Variants in RBFOX1 observed in about 807,000 individuals in gnomAD.
RBFOX1 encodes RNA binding protein fox-1 homolog 1.
RBFOX1 carries 8 observed loss-of-function variants against 57.7 expected under a neutral mutation model. That is an observed-to-expected ratio of 0.14 (90% confidence interval 0.08 to 0.25). The LOEUF is 0.25. RBFOX1 is among the 10% of genes least tolerant of loss of function. RBFOX1 has a pLI of 1.00. For missense variants in RBFOX1, 611 were observed against 548.5 expected, an observed-to-expected ratio of 1.11 and a Z score of -1.14; for synonymous variants, 326 against 222.4, an observed-to-expected ratio of 1.47 and a Z score of -4.15.
chr16:6,850,133 A>T (rs981785081), intron 3 of RBFOX1, among the ~76,000 whole-genome samples: 4 of 152,178 alleles, frequency 2.6e-5, no homozygotes, highest in Admixed American at 2.6e-4. Flanking sequence ...TAAACTTACA[A>T]GTTCCTGCAC....
chr16:7,254,421 C>T (rs1359235253), intron 4 of RBFOX1, among the ~76,000 whole-genome samples: 3 of 152,066 alleles, frequency 2.0e-5, no homozygotes, highest in African/African-American at 7.2e-5. Context: ...TCTCCATTGC[C>T]AAGATATCAC....
At chr16:5,637,499 T>C (rs572690973) in intron 3 of RBFOX1, among the ~76,000 whole-genome samples, 9 of 152,348 alleles carry the variant, frequency 5.9e-5, no homozygotes, top group African/African-American at 2.2e-4. Flanking sequence ...AGCAAGCTAA[T>C]GTCTATAATG....
At chr16:5,988,299 G>A (rs1251006067) in intron 4 of RBFOX1, among the ~76,000 whole-genome samples, 1 of 152,130 alleles carries the variant, frequency 6.6e-6, no homozygotes. Context: ...AATAATGAGA[G>A]TTGAAAGAAT....
intron 1 of RBFOX1, among the ~76,000 whole-genome samples, chr16:5,271,325 C>G (rs1249931195): frequency 6.6e-6 from 1 of 152,102 alleles, no homozygotes; most frequent in Admixed American, 6.6e-5. Context: ...ACACTGCACT[C>G]CAGCCTGGAT....
chr16:5,965,826 T>G (rs777007538), intron 4 of RBFOX1, among the ~76,000 whole-genome samples: 21 of 152,090 alleles, frequency 1.4e-4, no homozygotes, highest in Non-Finnish European at 2.5e-4. Context: ...TTTGGAGAGT[T>G]CAGTGGGTGG....
intron 4 of RBFOX1, among the ~76,000 whole-genome samples, chr16:5,983,925 C>T (rs1206421352): frequency 1.4e-5 from 2 of 144,626 alleles, no homozygotes; most frequent in African/African-American, 5.1e-5. Context: ...TCCTCCTCCT[C>T]CCCCTCCTCC....
chr16:5,951,475 ATGTGTATATATATGTG>A (rs973740859), intron 4 of RBFOX1, among the ~76,000 whole-genome samples: 1 of 151,980 alleles, frequency 6.6e-6, no homozygotes, highest in Admixed American at 6.6e-5. Context: ...GTGTATGTGT[ATGTGTATATATATGTG>A]TGTGTATATA....
At chr16:5,516,813 T>C (rs1340505087) in intron 2 of RBFOX1, among the ~76,000 whole-genome samples, 1 of 152,150 alleles carries the variant, frequency 6.6e-6, no homozygotes, top group African/African-American at 2.4e-5. Context: ...CACTCATTCT[T>C]CTCTCTCCTG....
At chr16:7,534,230 G>T (rs536153357) in intron 5 of RBFOX1, among the ~76,000 whole-genome samples, 4 of 151,552 alleles carry the variant, frequency 2.6e-5, no homozygotes, top group African/African-American at 9.7e-5. Context: ...GGGATTACAG[G>T]CACCCATCAC....
chr16:5,475,162 C>T (rs774157511), intron 2 of RBFOX1, among the ~76,000 whole-genome samples: 41 of 151,970 alleles, frequency 2.7e-4, no homozygotes, highest in Non-Finnish European at 4.4e-4. Flanking sequence ...ATATATTTGC[C>T]GTAATAGATA....
At chr16:7,116,528 C>G (rs922295147) in intron 4 of RBFOX1, among the ~76,000 whole-genome samples, 1 of 152,184 alleles carries the variant, frequency 6.6e-6, no homozygotes, top group Non-Finnish European at 1.5e-5. Context: ...GGATTTGTCT[C>G]TGCTCCAGCT....
rs74007083 is a variant in RBFOX1, at chr16:6,808,616, T to G, written c.-16+153966T>G. Among the ~76,000 whole-genome samples the G allele has an allele frequency of 6.9e-3, 1,054 of 152,272 alleles. 13 individuals carry two copies. Among genetic ancestry groups the G allele is most frequent in the African/African-American group, 0.024 (1,002 of 41,546 alleles). ...AGGGTGTTGGTAGTTGTTATTTTAATGTAAATTTTGAATAGATAATAGATT... is the reference window on the plus strand; with the variant it reads ...AGGGTGTTGGTAGTTGTTATTTTAAGGTAAATTTTGAATAGATAATAGATT... On this transcript the variant is annotated intron_variant, in intron 3 of 15. Coordinates refer to ENST00000550418, the MANE Select transcript of RBFOX1 (RefSeq NM_018723.4).
rs371814613 is a variant in RBFOX1, at chr16:6,926,770, C to T, written c.-15-125287C>T. Among the ~76,000 whole-genome samples the T allele has an allele frequency of 2.6e-5, 4 of 152,266 alleles. No individual in the cohort carries two copies. In the East Asian group the frequency reaches 5.8e-4, roughly 22 times the overall value. On this transcript the variant is annotated intron_variant, in intron 3 of 15. Coordinates refer to ENST00000550418, the MANE Select transcript of RBFOX1 (RefSeq NM_018723.4). The stretch of plus-strand genomic sequence containing the variant: ...TTCTTGGAGACTGAACTTTTAAATG[C>T]TTCTGCTGGGTCTCTTGAGTTCTTA...
chr16:6,657,345 T>A (rs1213231479), intron 3 of RBFOX1, among the ~76,000 whole-genome samples: 1 of 152,084 alleles, frequency 6.6e-6, no homozygotes, highest in African/African-American at 2.4e-5. Flanking sequence ...GGAGCTTGCT[T>A]TATATATGGG....
At chr16:6,975,515 C>T (rs1179227128) in intron 3 of RBFOX1, among the ~76,000 whole-genome samples, 1 of 152,128 alleles carries the variant, frequency 6.6e-6, no homozygotes, top group African/African-American at 2.4e-5. Context: ...GATCTGCCTA[C>T]CTTGGCCTCC....
chr16:7,047,031 C>T (rs117598452), intron 3 of RBFOX1, among the ~76,000 whole-genome samples: 2,637 of 147,562 alleles, frequency 0.018, 42 homozygotes, highest in Middle Eastern at 0.043. Flanking sequence ...GTATAGAAAG[C>T]TCTTCATGCA....
At chr16:6,951,563 A>T (rs76715074) in intron 3 of RBFOX1, among the ~76,000 whole-genome samples, 1 of 151,890 alleles carries the variant, frequency 6.6e-6, no homozygotes, top group East Asian at 1.9e-4. Flanking sequence ...GACTACTAAG[A>T]TCTCTCTTTC....
At chr16:5,290,862 C>G (rs546705327) in intron 1 of RBFOX1, among the ~76,000 whole-genome samples, 1 of 151,986 alleles carries the variant, frequency 6.6e-6, no homozygotes, top group African/African-American at 2.4e-5. Context: ...CCACACCTGG[C>G]TAATTTTTGG....
At chr16:5,526,530 C>T (rs2044252972) in intron 2 of RBFOX1, among the ~76,000 whole-genome samples, 1 of 152,158 alleles carries the variant, frequency 6.6e-6, no homozygotes, top group Non-Finnish European at 1.5e-5. Context: ...CTCAAGAGAT[C>T]TGCCCACCTC....
Sources: gnomAD v4.1 joint callset for allele counts (sites outside exome capture counted in the v4.1 genomes callset) on GRCh38, gnomAD v4.1.1 for gene constraint, MANE v1.5 for transcripts, NCBI Gene and HGNC (gene_info 2026-07-23, HGNC 2026-07-21) for gene names.